ATG5: variants seen among roughly 807,000 people sequenced by gnomAD.
The protein encoded by ATG5 is autophagy related 5, also known as autophagy protein 5.
Under a neutral mutation model 36.5 loss-of-function variants are expected in ATG5, and 14 were observed. That is an observed-to-expected ratio of 0.38 (90% CI 0.25 to 0.60). ATG5 has a LOEUF of 0.60. Ranked by LOEUF, ATG5 falls within the 20% of genes least tolerant of loss-of-function variation. ATG5 has a pLI of 0.60. For missense variants in ATG5, 195 were observed against 326.7 expected (o/e 0.60, Z 3.11); for synonymous variants, 95 against 101.5 (o/e 0.94, Z 0.38).
At chr6:106,322,426 T>A (rs1169273621) in intron 1 of ATG5, among the ~76,000 whole-genome samples, 1 of 152,242 alleles carries the variant, frequency 6.6e-6, no homozygotes, top group East Asian at 1.9e-4. Flanking sequence ...CTATGCTGGC[T>A]GGTCTTCCTT....
At chr6:106,248,117 T>C in intron 6 of ATG5, 33 bp downstream of exon 6, 1 of 1,504,118 alleles carries the variant, frequency 6.6e-7, no homozygotes, top group Non-Finnish European at 9.3e-7. Context: ...GAGGCTTTCA[T>C]AAATGGATGT....
At chr6:106,313,749 T>C (rs1427151621) in intron 2 of ATG5, among the ~76,000 whole-genome samples, 4 of 150,392 alleles carry the variant, frequency 2.7e-5, no homozygotes, top group African/African-American at 4.9e-5. Flanking sequence ...TCAAGCTTAA[T>C]TGACAGCAAG....
At chr6:106,324,581 T>G (rs1468620022) in intron 1 of ATG5, among the ~76,000 whole-genome samples, 3 of 152,228 alleles carry the variant, frequency 2.0e-5, no homozygotes, top group Non-Finnish European at 2.9e-5. Context: ...GCCTAACACA[T>G]AGGAGGTACT....
At chr6:106,319,340 G>A (rs994931099) in intron 1 of ATG5, among the ~76,000 whole-genome samples, 1 of 152,000 alleles carries the variant, frequency 6.6e-6, no homozygotes, top group African/African-American at 2.4e-5. Context: ...GTATAAAAAA[G>A]CTAAAAATTT....
chr6:106,253,039 G>T (rs1322571278), intron 5 of ATG5, among the ~76,000 whole-genome samples: 1 of 152,162 alleles, frequency 6.6e-6, no homozygotes, highest in Non-Finnish European at 1.5e-5. Flanking sequence ...TTAATCAGAG[G>T]CTTTCAAGGT....
intron 7 of ATG5, among the ~76,000 whole-genome samples, chr6:106,187,163 G>A (rs1775807366): frequency 6.6e-6 from 1 of 152,166 alleles, no homozygotes. Flanking sequence ...GTGAGCTTTA[G>A]TTGTTTTCAG....
chr6:106,297,744 A>G (rs1770019088), intron 3 of ATG5, among the ~76,000 whole-genome samples: 1 of 148,688 alleles, frequency 6.7e-6, no homozygotes, highest in Non-Finnish European at 1.5e-5. Flanking sequence ...ACACACACAC[A>G]CACACACACA....
At chr6:106,298,724 A>G (rs1399253409) in intron 3 of ATG5, among the ~76,000 whole-genome samples, 5 of 152,224 alleles carry the variant, frequency 3.3e-5, no homozygotes, top group Non-Finnish European at 5.9e-5. Context: ...GGTTCAATAC[A>G]AATTTTTATG....
At chr6:106,265,284 A>G (rs1779186247) in intron 5 of ATG5, among the ~76,000 whole-genome samples, 1 of 152,216 alleles carries the variant, frequency 6.6e-6, no homozygotes, top group Non-Finnish European at 1.5e-5. Flanking sequence ...AAAGGGATCA[A>G]TGCAACAACA....
chr6:106,265,434 C>T (rs931766025), intron 5 of ATG5, among the ~76,000 whole-genome samples: 1 of 152,080 alleles, frequency 6.6e-6, no homozygotes, highest in Non-Finnish European at 1.5e-5. Context: ...GTCAATATTA[C>T]ACAGATCAAC....
chr6:106,289,712 C>T (rs1780225837), intron 4 of ATG5, among the ~76,000 whole-genome samples: 5 of 152,016 alleles, frequency 3.3e-5, no homozygotes, highest in Non-Finnish European at 7.4e-5. Flanking sequence ...AATAAAACCA[C>T]TATACATTAA....
chr6:106,309,769 A>G (rs1458287114), intron 2 of ATG5, among the ~76,000 whole-genome samples: 1 of 152,214 alleles, frequency 6.6e-6, no homozygotes, highest in African/African-American at 2.4e-5. Context: ...AAAGCAAAAC[A>G]GCGTCGCAAA....
intron 4 of ATG5, among the ~76,000 whole-genome samples, chr6:106,287,298 G>C (rs1235883344): frequency 6.6e-6 from 1 of 152,182 alleles, no homozygotes; most frequent in Non-Finnish European, 1.5e-5. Context: ...CAGAAAAGAA[G>C]CTTGCTCAGT....
chr6:106,264,005 A>T (rs948281060), intron 5 of ATG5, among the ~76,000 whole-genome samples: 4 of 152,154 alleles, frequency 2.6e-5, no homozygotes, highest in Non-Finnish European at 5.9e-5. Flanking sequence ...TGATGAATTG[A>T]CAGAAGAAGG....
intron 5 of ATG5, among the ~76,000 whole-genome samples, chr6:106,276,150 A>T (rs1175420123): frequency 1.3e-5 from 2 of 152,224 alleles, no homozygotes; most frequent in African/African-American, 4.8e-5. Context: ...CAAACCTAAC[A>T]GATATTCTCT....
intron 6 of ATG5, among the ~76,000 whole-genome samples, chr6:106,219,344 C>T (rs1053361713): frequency 6.6e-6 from 1 of 152,118 alleles, no homozygotes; most frequent in Non-Finnish European, 1.5e-5. Flanking sequence ...ATAAGTATAA[C>T]ATACATTAGT....
chr6:106,191,348 T>C (rs1775961183), intron 7 of ATG5, among the ~76,000 whole-genome samples: 1 of 152,112 alleles, frequency 6.6e-6, no homozygotes, highest in Non-Finnish European at 1.5e-5. Context: ...TCCTAAGTTC[T>C]GCTTGCTGAT....
chr6:106,267,961 A>G (rs779940011), intron 5 of ATG5, among the ~76,000 whole-genome samples: 4 of 152,264 alleles, frequency 2.6e-5, no homozygotes, highest in African/African-American at 4.8e-5. Flanking sequence ...CACCAAAAGC[A>G]ATGGGAACAA....
chr6:106,215,140 T>C (rs985058989), intron 6 of ATG5, among the ~76,000 whole-genome samples: 5 of 152,260 alleles, frequency 3.3e-5, no homozygotes, highest in Non-Finnish European at 5.9e-5. Context: ...TTTATCCTTT[T>C]GGTGTACTTA....
Sources: gnomAD v4.1 joint callset for allele counts (sites outside exome capture counted in the v4.1 genomes callset) on GRCh38, gnomAD v4.1.1 for gene constraint, MANE v1.5 for transcripts, NCBI Gene and HGNC (gene_info 2026-07-23, HGNC 2026-07-21) for gene names.